Variants in COL11A2 observed in about 807,000 individuals in gnomAD.
COL11A2 encodes the protein collagen type XI alpha 2 chain, also known as collagen alpha-2(XI) chain.
A neutral mutation model predicts 273.4 loss-of-function variants in COL11A2; 116 were observed. The ratio of observed to expected loss-of-function variants is 0.42; its 90% CI spans 0.36 to 0.49. COL11A2 has a LOEUF of 0.49. Among genes scored for constraint, COL11A2 ranks in the 20% least tolerant of loss-of-function variants. COL11A2 has a pLI of 0.00. For missense variants in COL11A2, 1,866 were observed against 2,309.0 expected (o/e 0.81, Z 3.93); for synonymous variants, 782 against 864.2 (o/e 0.90, Z 1.67).
intron 4 of COL11A2, among the ~76,000 whole-genome samples, chr6:33,187,826 T>G (rs941748314): frequency 7.4e-6 from 1 of 135,542 alleles, no homozygotes; most frequent in Non-Finnish European, 1.6e-5. Context: ...GCATGCATCC[T>G]TGTGTGCATG....
At position 33,171,115 on chromosome 6, in the gene COL11A2, G is replaced by A. The variant is rs748271072; in HGVS notation, c.3365C>T (p.Ala1122Val). The A allele has an allele frequency of 1.3e-4, 211 of 1,579,344 alleles. No individual in the cohort carries two copies. The highest frequency in any genetic ancestry group is 3.3e-4 in the Middle Eastern group (2 of 5,988). Residue 1122 changes from alanine to valine, a missense_variant and splice_region_variant, in exon 45 of 66, where the codon GCG (alanine) becomes GTG (valine). Physicochemically the swap from Ala to Val is moderately conservative, Grantham distance 64. Transcript: ENST00000341947. ...PIGPVGQPGA[A>V]GADGEPGARG... ...GGTGGGGGTGGAGGGGTCACTCACC[G>A]CTGCTCCAGGCTGCCCCACAGGACC...
At chr6:33,168,390 GCA>G (rs372215401) in intron 54 of COL11A2, 127 bp downstream of exon 54, 305 of 1,022,786 alleles carry the variant, frequency 3.0e-4, no homozygotes, top group Non-Finnish European at 3.9e-4. Context: ...ACCAGCTCCT[GCA>G]CACACACACA....
rs1405920566 is a variant in COL11A2, at chr6:33,164,641, G to A, written c.4864-168C>T. ...CTGGGAAAGAAGTGAGGGGCTGAGT[G>A]GGAGCCAGGAGACTGGGGGTACACG... On this transcript the variant is annotated intron_variant, in intron 64 of 65. Transcript: ENST00000341947. The surrounding 1 kb of genome is among the most constrained non-coding windows in gnomAD (Gnocchi z 4.7). Among the ~76,000 whole-genome samples the A allele has an allele frequency of 2.0e-5, 3 of 152,158 alleles. No homozygotes were observed. Among genetic ancestry groups the A allele is most frequent in the Admixed American group, 6.5e-5 (1 of 15,274 alleles).
Position 33,173,910 on chromosome 6 carries a change from C to T in COL11A2, c.2546G>A (p.Arg849Gln), listed in dbSNP as rs761524468. 1.8e-5 allele frequency: 29 copies of T among 1,613,936 alleles called. No homozygotes were observed. Among genetic ancestry groups the T allele is most frequent in the Middle Eastern group, 1.6e-4 (1 of 6,082 alleles). Residue 849 changes from arginine (R) to glutamine (Q), a missense_variant, in exon 34 of 66, where the codon CGG (arginine) becomes CAG (glutamine). Physicochemically the swap from Arg to Gln is conservative, Grantham distance 43. Coordinates refer to ENST00000341947, the MANE Select transcript of COL11A2 (RefSeq NM_080680.3). The surrounding 1 kb of genome is among the most constrained non-coding windows in gnomAD (Gnocchi z 6.3). The stretch of plus-strand genomic sequence containing the variant: ...CTTCCCAGTGGCACCTCGGGGTCCC[C>T]GCTGACCCCGTGGACCCTACAGAGG... ...ERGPTGPRGQ[R>Q]GPRGATGKSG...
chr6:33,178,577 T>C lies in COL11A2; in HGVS notation c.1720-89A>G. 6.2e-7 allele frequency: 1 copy of C among 1,607,910 alleles called. No individual in the cohort carries two copies. Among genetic ancestry groups the C allele is most frequent in the Non-Finnish European group, 8.5e-7 (1 of 1,175,826 alleles). On this transcript the variant is annotated intron_variant, in intron 18 of 65. Coordinates refer to ENST00000341947, the MANE Select transcript of COL11A2 (RefSeq NM_080680.3). The surrounding 1 kb of genome is among the most constrained non-coding windows in gnomAD (Gnocchi z 4.6). ...TCTGCACTTAGCCCATCCATTACTT[T>C]CACTGAGCTCCTGCCAAGCCTCCAG...
intron 32 of COL11A2, 33 bp from the exon 33 acceptor site, chr6:33,174,088 A>C: frequency 1.2e-6 from 2 of 1,613,234 alleles, no homozygotes; most frequent in Non-Finnish European, 1.7e-6. Context: ...AACATTACCC[A>C]GGGTGAGACT....
chr6:33,166,518 G>A lies in COL11A2; in HGVS notation c.4387C>T (p.Leu1463Phe), dbSNP rs780582885. Residue 1463 changes from leucine (L) to phenylalanine (F), a missense_variant, in exon 60 of 66, where the codon CTC becomes TTC. Transcript: ENST00000341947. This position sits in a 1 kb window ranked among gnomAD's most constrained non-coding sequence, Gnocchi z 4.8. The part of the protein sequence containing the change: ...GPIGPGGPPG[L>F]PGPAGPKGAK... ...GGAACAGAGGCAGTACTCACGGGGA[G>A]GCCGGGGGGACCTCCAGGACCAATG... 7.7e-5 allele frequency: 124 copies of A among 1,613,554 alleles called. No homozygotes were observed. Among genetic ancestry groups the A allele is most frequent in the Non-Finnish European group, 9.8e-5 (116 of 1,179,764 alleles).
chr6:33,169,292 A>G lies in COL11A2; in HGVS notation c.3798+91T>C. 1 of 1,228,310 alleles carries G rather than the reference A, an allele frequency of 8.1e-7. No homozygotes were observed. Among genetic ancestry groups the G allele is most frequent in the South Asian group, 1.3e-5 (1 of 78,934 alleles). 76.1% of individuals were successfully genotyped at this position (1,228,310 alleles called of 1,614,324 possible). A position where few individuals can be genotyped will look rare whatever the true frequency, so the allele number is the denominator to read the frequency against. ...TCCCCCAAACTCCCGGGCTCCCCAC[A>G]CTCCAAGATCCTCCCTCACACACAC... On this transcript the variant is annotated intron_variant, in intron 51 of 65. Coordinates refer to ENST00000341947, the MANE Select transcript of COL11A2 (RefSeq NM_080680.3). The surrounding 1 kb of genome is among the most constrained non-coding windows in gnomAD (Gnocchi z 5.5).
At position 33,166,858 on chromosome 6, in the gene COL11A2, G is replaced by A; in HGVS notation, c.4231-31C>T. On this transcript the variant is annotated intron_variant, in intron 58 of 65. Transcript: ENST00000341947. This position sits in a 1 kb window ranked among gnomAD's most constrained non-coding sequence, Gnocchi z 4.8. ...GAAGGGTGCAGGCAGTCAAGAGAAT[G>A]CAAAGAGGAGTCATGTGGATGGGGG... 1 of 1,606,792 alleles carries A rather than the reference G, an allele frequency of 6.2e-7. No homozygotes were observed.
rs780918945 is a variant in COL11A2, at chr6:33,175,592, T to A, written c.2358A>T (p.Pro786=). 2 of 1,612,828 alleles carry A rather than the reference T, an allele frequency of 1.2e-6. No homozygotes were observed. Among genetic ancestry groups the A allele is most frequent in the South Asian group, 2.2e-5 (2 of 91,076 alleles). ...CCATCACCTTCTCGCCCATGAGCCC[T>A]GGGGGCCCAGGGTCTCCAGTCGGTC... The part of the protein sequence containing the change: ...RTGPTGDPGP[P]GLMGEKGKLG... The change falls in exon 30 of 66, where the codon CCA becomes CCT. Residue 786 remains proline (P), a synonymous_variant. Transcript: ENST00000341947.
rs112017426 is a variant in COL11A2 at position 33,170,631 on chromosome 6, T to C, written c.3475-21A>G. ...AAACCCTGTGCAAGTATACAAAACA[T>C]GGGCCCAGGTGACGACCCCACCCAA... On this transcript the variant is annotated intron_variant, in intron 46 of 65. Coordinates refer to ENST00000341947, the MANE Select transcript of COL11A2 (RefSeq NM_080680.3). This position sits in a 1 kb window ranked among gnomAD's most constrained non-coding sequence, Gnocchi z 4.3. 10 of 1,612,430 alleles carry C rather than the reference T, an allele frequency of 6.2e-6. No individual in the cohort carries two copies. The highest frequency in any genetic ancestry group is 1.7e-4 in the Middle Eastern group (1 of 6,056).
intron 43 of COL11A2, 65 bp from the exon 44 acceptor site, chr6:33,171,389 A>T: frequency 6.2e-7 from 1 of 1,611,446 alleles, no homozygotes; most frequent in South Asian, 1.1e-5. Context: ...GGATGACATG[A>T]CAGGGGCCAG....
rs773558500 is a variant in COL11A2 at position 33,189,032 on chromosome 6, C to T, written c.389G>A (p.Arg130Gln). Residue 130 changes from arginine to glutamine, a missense_variant, in exon 3 of 66, where the codon CGG (arginine) becomes CAG (glutamine). By Grantham distance (43) the Arg-to-Gln change is conservative (BLOSUM62 1). Transcript: ENST00000341947. The surrounding 1 kb of genome is among the most constrained non-coding windows in gnomAD (Gnocchi z 5.6). ...GACTGGCTGAGAGGGAGGTTGAGGC[C>T]GCCCAGTCTGGTCTTCATACAGGAA... ...VRFLYEDQTGRPQPPSQPVFR... is the reference protein window; with the variant it reads ...VRFLYEDQTGQPQPPSQPVFR... 16 of 1,614,154 alleles carry T rather than the reference C, an allele frequency of 9.9e-6. No homozygotes were observed. The East Asian group carries it at 1.8e-4, about 18-fold the overall frequency.
chr6:33,168,689 G>T lies in COL11A2; in HGVS notation c.3906+17C>A, dbSNP rs767884514. 1.3e-6 allele frequency: 2 copies of T among 1,589,890 alleles called. No homozygotes were observed. On this transcript the variant is annotated intron_variant, in intron 53 of 65. Coordinates refer to ENST00000341947, the MANE Select transcript of COL11A2 (RefSeq NM_080680.3). The stretch of plus-strand genomic sequence containing the variant: ...AGGCTTGGGCTCAGGGGGGTGGTGG[G>T]GTCACCAGGCACTCACAGGCTGTCC...
chr6:33,172,542 T>C lies in COL11A2; in HGVS notation c.2886A>G (p.Lys962=). The change falls in exon 39 of 66, where the codon AAA becomes AAG. Residue 962 remains lysine, a synonymous_variant. Transcript: ENST00000341947. ...GEQGLPGTAG[K]EGTKGDPGPP... ...GCCCCTCACTGACCTTTGTTCCTTC[T>C]TTTCCAGCTGTCCCAGGTAGTCCCT... 6.2e-7 allele frequency: 1 copy of C among 1,612,506 alleles called. No individual in the cohort carries two copies. The highest frequency in any genetic ancestry group is 8.5e-7 in the Non-Finnish European group (1 of 1,179,808).
intron 41 of COL11A2, 23 bp from the exon 42 acceptor site, chr6:33,171,843 C>A (rs1345934042): frequency 6.2e-7 from 1 of 1,611,040 alleles, no homozygotes; most frequent in Admixed American, 1.7e-5. Context: ...ATGGTCAGAC[C>A]CCCAGGAAGG....
intron 31 of COL11A2, 78 bp downstream of exon 31, chr6:33,174,449 G>A (rs1440687058): frequency 8.3e-6 from 13 of 1,565,070 alleles, no homozygotes; most frequent in African/African-American, 1.3e-5. Flanking sequence ...CTGCATCTGT[G>A]CTTTCTGGAA....
At position 33,170,320 on chromosome 6, in the gene COL11A2, A is replaced by G; in HGVS notation, c.3582+6T>C. The G allele has an allele frequency of 6.2e-7, 1 of 1,613,194 alleles. No homozygotes were observed. Among genetic ancestry groups the G allele is most frequent in the Non-Finnish European group, 8.5e-7 (1 of 1,179,690 alleles). Reference sequence around the variant, plus strand: ...GTCTCAAGGGACAGGGGCTGAGATGACTCACATCAGCGCCATTGGGTCCAG... The same window carrying G: ...GTCTCAAGGGACAGGGGCTGAGATGGCTCACATCAGCGCCATTGGGTCCAG... On this transcript the variant is annotated splice_donor_region_variant and intron_variant, in intron 48 of 65. Transcript: ENST00000341947. The surrounding 1 kb of genome is among the most constrained non-coding windows in gnomAD (Gnocchi z 4.3).
rs552108080 is a variant in COL11A2 at position 33,176,506 on chromosome 6, C to T, written c.2116-20G>A. On this transcript the variant is annotated intron_variant, in intron 26 of 65. Coordinates refer to ENST00000341947, the MANE Select transcript of COL11A2 (RefSeq NM_080680.3). The surrounding 1 kb of genome is among the most constrained non-coding windows in gnomAD (Gnocchi z 4.9). ...GGGACCCTGGAAGATAAAAGAGAGG[C>T]ATTTATAAAGGGGCCTCAGAGTGTC... is the stretch of plus-strand genomic sequence containing the variant. 3 of 1,609,846 alleles carry T rather than the reference C, an allele frequency of 1.9e-6. No individual in the cohort carries two copies. The highest frequency in any genetic ancestry group is 2.2e-5 in the East Asian group (1 of 44,836).
Sources: gnomAD v4.1 joint callset for allele counts (sites outside exome capture counted in the v4.1 genomes callset) on GRCh38, gnomAD v4.1.1 for gene constraint, Gnocchi (gnomAD v3.1) non-coding constraint, MANE v1.5 for transcripts, NCBI Gene and HGNC (gene_info 2026-07-23, HGNC 2026-07-21) for gene names.